RIMBP2: variants seen among roughly 807,000 people sequenced by gnomAD.
RIMBP2 encodes RIMS binding protein 2.
A neutral mutation model predicts 118.6 loss-of-function variants in RIMBP2; 48 were observed. The observed-to-expected ratio is 0.40, with a 90% CI of 0.32 to 0.51. The LOEUF (loss-of-function observed/expected upper bound fraction) is 0.51. Among genes scored for constraint, RIMBP2 ranks in the 20% least tolerant of loss-of-function variants. The probability of loss-of-function intolerance (pLI) is 0.41; values close to 1 mark genes in which losing one functional copy is unlikely to be tolerated. For synonymous variants in RIMBP2, 762 were observed against 742.9 expected, an observed-to-expected ratio of 1.03 and a Z score of -0.42; for missense variants, 1,551 against 1,768.3, an observed-to-expected ratio of 0.88 and a Z score of 2.20.
At chr12:130,568,212 C>T (rs2057369842) in intron 2 of RIMBP2, among the ~76,000 whole-genome samples, 1 of 152,340 alleles carries the variant, frequency 6.6e-6, no homozygotes, top group Non-Finnish European at 1.5e-5. Context: ...CAAAGCTCAA[C>T]CAACCAACCT....
At chr12:130,400,824 A>G (rs1298129261) in intron 21 of RIMBP2, among the ~76,000 whole-genome samples, 1 of 152,244 alleles carries the variant, frequency 6.6e-6, no homozygotes. Context: ...GCCAGCAGGC[A>G]CATGAAAAGA....
At chr12:130,471,573 T>C (rs936454310) in intron 5 of RIMBP2, among the ~76,000 whole-genome samples, 2 of 152,164 alleles carry the variant, frequency 1.3e-5, no homozygotes, top group Admixed American at 6.5e-5. Flanking sequence ...CTCTGCTCCA[T>C]CTAAGCCAAT....
intron 14 of RIMBP2, among the ~76,000 whole-genome samples, chr12:130,433,618 T>TG: frequency 6.6e-6 from 1 of 152,310 alleles, no homozygotes; most frequent in South Asian, 2.1e-4. Flanking sequence ...AGTTCCTGCC[T>TG]GGGTGGTGGC....
At chr12:130,634,595 C>CT (rs35020214) in intron 1 of RIMBP2, among the ~76,000 whole-genome samples, 301 of 149,122 alleles carry the variant, frequency 2.0e-3, no homozygotes, top group African/African-American at 6.2e-3. Flanking sequence ...TTAAAGATGA[C>CT]TTTTTTTTTT....
Position 130,407,810 on chromosome 12 carries a change from G to A in RIMBP2, c.3609C>T (p.Gly1203=), listed in dbSNP as rs745758738. The change falls in exon 20 of 23, where the codon GGC becomes GGT. Residue 1203 remains glycine (G), a synonymous_variant. Transcript: ENST00000690449. ...TCCGCGTCGATACCGAATGACGCCT[G>A]CCACTTCTCCTGCTTCTCTCTGTTC... ...VEKIERSRRS[G]RRHSVSTRRM... is the part of the protein sequence containing the mutation. The A allele has an allele frequency of 3.7e-6, 6 of 1,613,916 alleles. No individual in the cohort carries two copies. The Admixed American group carries it at 1.0e-4, about 27-fold the overall frequency.
chr12:130,428,515 C>G (rs2076939801), intron 14 of RIMBP2, 178 bp from the exon 15 acceptor site: 1 of 562,510 alleles, frequency 1.8e-6, no homozygotes, highest in Non-Finnish European at 3.0e-6. Context: ...GAGGACACAC[C>G]CACTCTCTCT....
intron 1 of RIMBP2, among the ~76,000 whole-genome samples, chr12:130,685,973 TCC>T (rs1406784692): frequency 1.3e-5 from 2 of 151,778 alleles, no homozygotes; most frequent in Admixed American, 6.6e-5. Context: ...GCCCCCAGCA[TCC>T]CCCCGGGGAG....
chr12:130,482,102 C>G (rs970787270), intron 4 of RIMBP2, among the ~76,000 whole-genome samples: 1 of 152,178 alleles, frequency 6.6e-6, no homozygotes, highest in African/African-American at 2.4e-5. Flanking sequence ...TTTGGGAACT[C>G]TTCTCCAAAC....
chr12:130,646,086 CTT>C (rs2062882251), intron 1 of RIMBP2, among the ~76,000 whole-genome samples: 4 of 135,994 alleles, frequency 2.9e-5, no homozygotes, highest in Non-Finnish European at 4.8e-5. Flanking sequence ...TCCCTCACCA[CTT>C]CCCTCTCCAC....
chr12:130,646,693 G>A (rs940162290), intron 1 of RIMBP2, among the ~76,000 whole-genome samples: 14 of 152,200 alleles, frequency 9.2e-5, no homozygotes, highest in Admixed American at 7.2e-4. Context: ...ACTTAAAATT[G>A]TACAAAGCTA....
intron 1 of RIMBP2, among the ~76,000 whole-genome samples, chr12:130,637,050 G>T (rs1258280739): frequency 6.6e-6 from 1 of 152,178 alleles, no homozygotes; most frequent in African/African-American, 2.4e-5. Context: ...TTGGCTCCAG[G>T]TTGCATTTGA....
chr12:130,486,467 G>GC (rs1186476548), intron 4 of RIMBP2, among the ~76,000 whole-genome samples: 12 of 123,200 alleles, frequency 9.7e-5, no homozygotes, highest in African/African-American at 1.3e-4. Context: ...CCCGTCCCCC[G>GC]CCCCCCCGCC....
At chr12:130,674,847 C>T (rs1379734377) in intron 1 of RIMBP2, among the ~76,000 whole-genome samples, 4 of 151,456 alleles carry the variant, frequency 2.6e-5, no homozygotes, top group African/African-American at 7.3e-5. Context: ...GGGTCGTATA[C>T]GTGGGATCCT....
rs1360911151 is a variant in RIMBP2, at chr12:130,523,528, C to G, written c.-216-5611G>C. On this transcript the variant is annotated intron_variant, in intron 2 of 22. Transcript: ENST00000690449. This position sits in a 1 kb window ranked among gnomAD's most constrained non-coding sequence, Gnocchi z 4.4. ...CTCGTCAAGGAAGAAACTGGGTCTT[C>G]TGAAGACACCCCCTTCCCCATCAGG... Among the ~76,000 whole-genome samples the G allele has an allele frequency of 1.3e-5, 2 of 152,240 alleles. No homozygotes were observed. The highest frequency in any genetic ancestry group is 2.9e-5 in the Non-Finnish European group (2 of 68,046).
intron 1 of RIMBP2, among the ~76,000 whole-genome samples, chr12:130,644,695 G>A (rs2062772164): frequency 1.3e-5 from 2 of 152,236 alleles, no homozygotes; most frequent in South Asian, 2.1e-4. Context: ...GCTAGCGAGT[G>A]ACGTCGGAAA....
At chr12:130,530,531 A>G (rs1426831684) in intron 2 of RIMBP2, among the ~76,000 whole-genome samples, 1 of 152,208 alleles carries the variant, frequency 6.6e-6, no homozygotes, top group African/African-American at 2.4e-5. Context: ...ATACCAGGAA[A>G]TCACATAAAA....
chr12:130,575,781 G>A (rs373605925), intron 2 of RIMBP2, among the ~76,000 whole-genome samples: 5 of 152,214 alleles, frequency 3.3e-5, no homozygotes, highest in African/African-American at 7.2e-5. Flanking sequence ...CCCTGGAGCC[G>A]CTCACATGGG....
In RIMBP2 at chr12:130,471,243, G is replaced by A. The variant is rs74747189; in HGVS notation, c.103-500C>T. Among the ~76,000 whole-genome samples, 904 of 152,328 alleles carry A rather than the reference G, an allele frequency of 5.9e-3. 16 individuals carry two copies. The highest frequency in any genetic ancestry group is 0.021 in the African/African-American group (873 of 41,566). ...AAGCACTGGCGGCAAAGCCATCTGG[G>A]CCCCACAGAATAACTTCACATGTTT... On this transcript the variant is annotated intron_variant, in intron 5 of 22. Coordinates refer to ENST00000690449, the MANE Select transcript of RIMBP2 (RefSeq NM_001393629.1).
intron 2 of RIMBP2, among the ~76,000 whole-genome samples, chr12:130,615,245 C>CATAATTGTGT (rs1555309074): frequency 7.7e-6 from 1 of 129,740 alleles, no homozygotes; most frequent in Non-Finnish European, 1.6e-5. Context: ...TATATGTACA[C>CATAATTGTGT]ATAATTATGT....
Sources: gnomAD v4.1 joint callset for allele counts (sites outside exome capture counted in the v4.1 genomes callset) on GRCh38, gnomAD v4.1.1 for gene constraint, Gnocchi (gnomAD v3.1) non-coding constraint, MANE v1.5 for transcripts, NCBI Gene and HGNC (gene_info 2026-07-23, HGNC 2026-07-21) for gene names.